Variants in MACROD2 observed in about 807,000 individuals in gnomAD.
MACROD2 encodes ADP-ribose glycohydrolase MACROD2.
A neutral mutation model predicts 70.4 loss-of-function variants in MACROD2; 36 were observed. That is an observed-to-expected ratio of 0.51 (90% CI 0.39 to 0.68). MACROD2 has a LOEUF of 0.68. Among genes scored for constraint, MACROD2 ranks in the 30% least tolerant of loss-of-function variants. MACROD2 has a pLI of 0.00. For missense variants in MACROD2, 496 were observed against 538.4 expected (o/e 0.92, Z 0.78); for synonymous variants, 172 against 178.8 (o/e 0.96, Z 0.30).
At chr20:14,337,716 A>T (rs1312431955) in intron 3 of MACROD2, 1 of 392,696 alleles carries the variant, frequency 2.5e-6, no homozygotes, top group Non-Finnish European at 4.5e-6. Context: ...TTGTTCAGTG[A>T]GGTAACTGGA....
chr20:14,920,984 A>C (rs2074155947), intron 5 of MACROD2, among the ~76,000 whole-genome samples: 1 of 152,174 alleles, frequency 6.6e-6, no homozygotes, highest in Non-Finnish European at 1.5e-5. Context: ...AAACCTAGAT[A>C]TGTTCCACAA....
At chr20:16,042,334 T>C (rs1429715492) in intron 16 of MACROD2, among the ~76,000 whole-genome samples, 1 of 152,054 alleles carries the variant, frequency 6.6e-6, no homozygotes, top group Admixed American at 6.6e-5. Flanking sequence ...CTAAACCTGC[T>C]TCAGCTTGGT....
At chr20:14,770,342 G>A (rs1304381942) in intron 5 of MACROD2, among the ~76,000 whole-genome samples, 1 of 151,806 alleles carries the variant, frequency 6.6e-6, no homozygotes, top group Non-Finnish European at 1.5e-5. Flanking sequence ...AGAGGGAGGT[G>A]GTAGAAATTG....
intron 5 of MACROD2, chr20:14,884,659 C>T (rs2073650796): frequency 2.0e-5 from 3 of 152,140 alleles, no homozygotes; most frequent in Admixed American, 1.3e-4. Flanking sequence ...CAACCAAGAG[C>T]ATTCCAAAGT....
At chr20:14,436,617 A>G (rs887569348) in intron 3 of MACROD2, among the ~76,000 whole-genome samples, 1 of 152,180 alleles carries the variant, frequency 6.6e-6, no homozygotes, top group African/African-American at 2.4e-5. Flanking sequence ...TTGTTTTCCC[A>G]GCACTCTACA....
intron 3 of MACROD2, among the ~76,000 whole-genome samples, chr20:14,312,160 C>T (rs1251217635): frequency 6.6e-6 from 1 of 152,068 alleles, no homozygotes; most frequent in East Asian, 1.9e-4. Flanking sequence ...GCCTGCCTAG[C>T]CATAAGACTC....
chr20:14,349,561 T>TTATATA (rs10629434), intron 3 of MACROD2, among the ~76,000 whole-genome samples: 3 of 141,542 alleles, frequency 2.1e-5, no homozygotes, highest in Non-Finnish European at 3.0e-5. Flanking sequence ...TATATTAACA[T>TTATATA]TATATATATA....
intron 5 of MACROD2, among the ~76,000 whole-genome samples, chr20:15,228,936 G>A (rs1192765089): frequency 3.3e-5 from 5 of 151,994 alleles, no homozygotes; most frequent in South Asian, 2.1e-4. Context: ...AAATAATTTC[G>A]TTATAATACT....
At chr20:15,425,064 G>A (rs1453238441) in intron 6 of MACROD2, among the ~76,000 whole-genome samples, 6 of 152,190 alleles carry the variant, frequency 3.9e-5, no homozygotes, top group Non-Finnish European at 4.4e-5. Flanking sequence ...CAGAGAGGGT[G>A]GCAGTGGTTT....
At chr20:14,505,403 G>T (rs1308208419) in intron 4 of MACROD2, among the ~76,000 whole-genome samples, 1 of 152,024 alleles carries the variant, frequency 6.6e-6, no homozygotes, top group East Asian at 1.9e-4. Context: ...ACCTGTTTTT[G>T]GCCTAAAAAT....
intron 6 of MACROD2, among the ~76,000 whole-genome samples, chr20:15,335,435 T>G (rs1026411385): frequency 2.0e-5 from 3 of 151,554 alleles, no homozygotes; most frequent in African/African-American, 7.3e-5. Flanking sequence ...TTATGTCTGT[T>G]AAAATACCAG....
intron 5 of MACROD2, among the ~76,000 whole-genome samples, chr20:15,175,484 A>G (rs6110540): frequency 0.063 from 9,548 of 152,294 alleles, 451 homozygotes; most frequent in Middle Eastern, 0.14. Flanking sequence ...TACAATGAAT[A>G]TAGAAACCAT....
intron 5 of MACROD2, among the ~76,000 whole-genome samples, chr20:14,739,586 T>C (rs982289617): frequency 6.6e-6 from 1 of 151,926 alleles, no homozygotes; most frequent in Non-Finnish European, 1.5e-5. Flanking sequence ...TAAAAACTAT[T>C]AATAGAAAAA....
At position 14,159,203 on chromosome 20, in the gene MACROD2, A is replaced by C. The variant is rs145118288; in HGVS notation, c.271+73475A>C. Among the ~76,000 whole-genome samples, 1,129 of 152,294 alleles carry C rather than the reference A, an allele frequency of 7.4e-3. 15 individuals are homozygous for C. Among genetic ancestry groups the C allele is most frequent in the African/African-American group, 0.025 (1,058 of 41,574 alleles). On this transcript the variant is annotated intron_variant, in intron 3 of 17. Transcript: ENST00000684519. ...CAATGAGCCTAGATTGCACCATTGC[A>C]CTCCAGCCTGGGCAACAAGAGTGAA...
chr20:15,976,404 A>G (rs1486356639), intron 13 of MACROD2, among the ~76,000 whole-genome samples: 1 of 152,224 alleles, frequency 6.6e-6, no homozygotes, highest in Non-Finnish European at 1.5e-5. Context: ...AAACTGTGGA[A>G]TTCTTTGTGT....
At chr20:15,330,706 T>G (rs1346298456) in intron 6 of MACROD2, among the ~76,000 whole-genome samples, 1 of 151,694 alleles carries the variant, frequency 6.6e-6, no homozygotes, top group Non-Finnish European at 1.5e-5. Flanking sequence ...ACAGGTAGAA[T>G]GGAAGACTTC....
intron 5 of MACROD2, among the ~76,000 whole-genome samples, chr20:15,180,361 G>A (rs1307567197): frequency 6.6e-6 from 1 of 152,220 alleles, no homozygotes; most frequent in African/African-American, 2.4e-5. Flanking sequence ...TTTAGATGGG[G>A]TATAGTTCAA....
At chr20:16,049,716 G>A in intron 17 of MACROD2, 114 bp from the exon 18 acceptor site, 1 of 973,118 alleles carries the variant, frequency 1.0e-6, no homozygotes, top group Non-Finnish European at 1.6e-6. Context: ...GATATTTCTG[G>A]GCCTATGTGA....
intron 5 of MACROD2, among the ~76,000 whole-genome samples, chr20:15,104,057 G>T (rs956990462): frequency 3.3e-5 from 5 of 152,140 alleles, no homozygotes; most frequent in Non-Finnish European, 5.9e-5. Flanking sequence ...GGAGATAGGG[G>T]AGAAATGGAC....
Sources: gnomAD v4.1 joint callset for allele counts (sites outside exome capture counted in the v4.1 genomes callset) on GRCh38, gnomAD v4.1.1 for gene constraint, MANE v1.5 for transcripts, NCBI Gene and HGNC (gene_info 2026-07-23, HGNC 2026-07-21) for gene names.